The following SLC30A8 variants were observed in gnomAD, a reference collection of about 807,000 sequenced individuals.
SLC30A8 encodes the protein proton-coupled zinc antiporter SLC30A8.
A neutral mutation model predicts 36.9 loss-of-function variants in SLC30A8; 27 were observed. The ratio of observed to expected loss-of-function variants is 0.73; its 90% CI spans 0.54 to 1.01. SLC30A8 has a LOEUF of 1.01. SLC30A8 is among the 50% of genes least tolerant of loss of function. SLC30A8 has a pLI of 0.00. For missense variants in SLC30A8, 439 were observed against 452.0 expected, an observed-to-expected ratio of 0.97 and a Z score of 0.26; for synonymous variants, 164 against 172.4, an observed-to-expected ratio of 0.95 and a Z score of 0.38.
chr8:116,954,871 T>C (rs1193003847), intron 1 of SLC30A8, among the ~76,000 whole-genome samples: 1 of 152,114 alleles, frequency 6.6e-6, no homozygotes, highest in Non-Finnish European at 1.5e-5. Flanking sequence ...AAGTCAGTGA[T>C]AGAGTGAGGG....
At chr8:117,140,088 T>C (rs996253093) in intron 1 of SLC30A8, among the ~76,000 whole-genome samples, 3 of 151,954 alleles carry the variant, frequency 2.0e-5, no homozygotes, top group Non-Finnish European at 2.9e-5. Context: ...AAAAGTACAA[T>C]AAATGAAATT....
intron 2 of SLC30A8, among the ~76,000 whole-genome samples, chr8:117,068,098 T>C (rs1435736873): frequency 6.6e-6 from 1 of 152,230 alleles, no homozygotes; most frequent in Non-Finnish European, 1.5e-5. Context: ...TGTTCTATTA[T>C]GCATTGATGA....
intron 1 of SLC30A8, among the ~76,000 whole-genome samples, chr8:116,953,022 C>T (rs1814049507): frequency 3.3e-5 from 5 of 151,622 alleles, no homozygotes; most frequent in South Asian, 4.2e-4. Flanking sequence ...TTGCCTCCCT[C>T]CCTTTCTCTC....
intron 2 of SLC30A8, among the ~76,000 whole-genome samples, chr8:117,059,664 C>T (rs564895296): frequency 6.6e-5 from 10 of 152,174 alleles, no homozygotes; most frequent in East Asian, 3.9e-4. Context: ...TTTAGTTGGA[C>T]GATAGATCGT....
chr8:117,137,979 T>C (rs745859124), intron 1 of SLC30A8, among the ~76,000 whole-genome samples: 1 of 148,982 alleles, frequency 6.7e-6, no homozygotes, highest in Non-Finnish European at 1.5e-5. Flanking sequence ...GTAGGTGCCA[T>C]GAACCATATT....
At chr8:117,095,407 T>C (rs1027299363) in intron 2 of SLC30A8, among the ~76,000 whole-genome samples, 2 of 152,122 alleles carry the variant, frequency 1.3e-5, no homozygotes, top group Non-Finnish European at 2.9e-5. Context: ...GTGTTAGTAG[T>C]TAGTGTTACT....
chr8:117,062,298 AAAG>A (rs553903929), intron 2 of SLC30A8, among the ~76,000 whole-genome samples: 122 of 152,276 alleles, frequency 8.0e-4, no homozygotes, highest in African/African-American at 2.8e-3. Flanking sequence ...TTTATGAAGA[AAAG>A]AAGTTTAATT....
At chr8:117,013,011 G>A (rs1428576818) in intron 1 of SLC30A8, among the ~76,000 whole-genome samples, 3 of 151,956 alleles carry the variant, frequency 2.0e-5, no homozygotes, top group African/African-American at 2.4e-5. Context: ...AGCAGACCCT[G>A]GCATTTCCTC....
At chr8:116,978,348 T>C (rs1240739364) in intron 1 of SLC30A8, among the ~76,000 whole-genome samples, 1 of 152,144 alleles carries the variant, frequency 6.6e-6, no homozygotes, top group Non-Finnish European at 1.5e-5. Context: ...AAGGATGGGG[T>C]AAGAATTTTG....
chr8:117,124,685 A>T (rs989935301), intron 2 of SLC30A8, among the ~76,000 whole-genome samples: 5 of 151,658 alleles, frequency 3.3e-5, no homozygotes, highest in Non-Finnish European at 7.4e-5. Flanking sequence ...TCAGTGAATA[A>T]CGGTAAAGGA....
At chr8:117,161,976 G>C in intron 5 of SLC30A8, 88 bp downstream of exon 5, 5 of 1,192,230 alleles carry the variant, frequency 4.2e-6, no homozygotes, top group Non-Finnish European at 5.9e-6. Context: ...AAAGAGAATG[G>C]GCATCCTCTG....
At chr8:117,078,996 C>A (rs764237165) in intron 2 of SLC30A8, among the ~76,000 whole-genome samples, 1 of 151,662 alleles carries the variant, frequency 6.6e-6, no homozygotes, top group East Asian at 1.9e-4. Context: ...CCTGAATTCT[C>A]TTTTTTCTTT....
At chr8:117,029,832 C>T (rs963540705) in intron 1 of SLC30A8, among the ~76,000 whole-genome samples, 4 of 152,138 alleles carry the variant, frequency 2.6e-5, no homozygotes, top group African/African-American at 7.2e-5. Context: ...GAATATTTGA[C>T]ATTGAAGATA....
intron 1 of SLC30A8, 76 bp downstream of exon 1, chr8:117,135,474 A>G (rs1821319301): frequency 8.3e-7 from 1 of 1,208,162 alleles, no homozygotes. Context: ...TTGCTTCTGA[A>G]TTGTAGGCCT....
At chr8:117,134,319 C>A (rs12678848), upstream of SLC30A8, among the ~76,000 whole-genome samples, 1 of 151,996 alleles carries the variant, frequency 6.6e-6, no homozygotes, top group Non-Finnish European at 1.5e-5. Flanking sequence ...GCACAACCCC[C>A]TCTTTCTCTA....
chr8:117,147,028 G>T lies in SLC30A8; in HGVS notation c.146G>T (p.Gly49Val). 6.2e-7 allele frequency: 1 copy of T among 1,614,112 alleles called. No homozygotes were observed. Among genetic ancestry groups the T allele is most frequent in the Non-Finnish European group, 8.5e-7 (1 of 1,180,008 alleles). ...AGACCAGAGGAGCTGGAGTCAGGAG[G>T]CATGTACCACTGCCACAGTGGCTCC... Reference protein sequence around the residue: ...RERPEELESGGMYHCHSGSKP... With the variant: ...RERPEELESGVMYHCHSGSKP... The change falls in exon 2 of 8, where the codon GGC becomes GTC. Residue 49 changes from glycine (G) to valine (V), a missense_variant. By Grantham distance (109) the Gly-to-Val change is moderately radical. Coordinates refer to ENST00000456015, the MANE Select transcript of SLC30A8 (RefSeq NM_173851.3).
chr8:117,127,120 A>T (rs1457360187), intron 2 of SLC30A8, among the ~76,000 whole-genome samples: 1 of 152,034 alleles, frequency 6.6e-6, no homozygotes, highest in African/African-American at 2.4e-5. Flanking sequence ...TTTGTTTATG[A>T]GATTATCCAC....
At chr8:117,030,719 T>C (rs1422019475) in intron 1 of SLC30A8, among the ~76,000 whole-genome samples, 1 of 152,246 alleles carries the variant, frequency 6.6e-6, no homozygotes, top group Non-Finnish European at 1.5e-5. Flanking sequence ...TAGTCTGGAA[T>C]GTAAATCTTT....
chr8:116,995,776 A>G (rs1337900927), intron 1 of SLC30A8, among the ~76,000 whole-genome samples: 1 of 152,092 alleles, frequency 6.6e-6, no homozygotes, highest in Non-Finnish European at 1.5e-5. Flanking sequence ...GGAAAAGCAA[A>G]AACCAAAAGC....
Sources: allele counts gnomAD v4.1 joint callset (sites outside exome capture counted in the v4.1 genomes callset), GRCh38; gene constraint gnomAD v4.1.1; transcripts MANE v1.5; gene names NCBI Gene and HGNC (gene_info 2026-07-23, HGNC 2026-07-21).